The following CDC73 variants were observed in gnomAD, a reference collection of about 807,000 sequenced individuals.
The protein encoded by CDC73 is cell division cycle 73.
A neutral mutation model predicts 83.7 loss-of-function variants in CDC73; 21 were observed. The ratio of observed to expected loss-of-function variants is 0.25; its 90% CI spans 0.18 to 0.36. The LOEUF (loss-of-function observed/expected upper bound fraction) is 0.36, where lower values mean the gene tolerates loss of function less well. Among genes scored for constraint, CDC73 ranks in the 10% least tolerant of loss-of-function variants. CDC73 has a pLI of 1.00. For synonymous variants in CDC73, 224 were observed against 212.9 expected, an observed-to-expected ratio of 1.05 and a Z score of -0.45; for missense variants, 342 against 653.3, an observed-to-expected ratio of 0.52 and a Z score of 5.19.
intron 10 of CDC73, among the ~76,000 whole-genome samples, chr1:193,193,737 C>A (rs539430624): frequency 1.3e-5 from 2 of 149,724 alleles, no homozygotes; most frequent in South Asian, 4.2e-4. Flanking sequence ...TTACTGTCTC[C>A]AGAATTTATA....
chr1:193,167,629 C>T (rs1676453781), intron 10 of CDC73, among the ~76,000 whole-genome samples: 1 of 152,098 alleles, frequency 6.6e-6, no homozygotes, highest in African/African-American at 2.4e-5. Context: ...TAACAAGGAA[C>T]CTCTCAAATT....
chr1:193,191,871 A>G (rs1676925034), intron 10 of CDC73, among the ~76,000 whole-genome samples: 1 of 152,122 alleles, frequency 6.6e-6, no homozygotes, highest in African/African-American at 2.4e-5. Context: ...GTTGAATTTG[A>G]TAGAACTGTG....
Position 193,150,402 on chromosome 1 carries a change from T to C in CDC73, c.907+20T>C, listed in dbSNP as rs772519117. On this transcript the variant is annotated intron_variant, in intron 9 of 16. Transcript: ENST00000367435. ...AAGAAGGCAAGTTGCTTAATTCTTATCTTCCCCTTAGTGTGGTTGTGTTGA... is the reference window on the plus strand; with the variant it reads ...AAGAAGGCAAGTTGCTTAATTCTTACCTTCCCCTTAGTGTGGTTGTGTTGA... 6 of 1,520,892 alleles carry C rather than the reference T, an allele frequency of 3.9e-6. No homozygotes were observed. Among genetic ancestry groups the C allele is most frequent in the Non-Finnish European group, 5.5e-6 (6 of 1,094,950 alleles). The allele number at this position is 1,520,892 out of a possible 1,614,324, so 94.2% of individuals were successfully genotyped here.
rs910086650 is a variant in CDC73 at position 193,253,797 on chromosome 1, A to G, written c.*3085A>G. ...GTGGCATACTTTTAAATTGGTCTAC[A>G]CAGAAAAGTAAAAGTAAACTATTCA... On this transcript the variant is annotated 3_prime_UTR_variant, in exon 17 of 17. Coordinates refer to ENST00000367435, the MANE Select transcript of CDC73 (RefSeq NM_024529.5). 2 of 230,128 alleles carry G rather than the reference A, an allele frequency of 8.7e-6. No individual in the cohort carries two copies. Among genetic ancestry groups the G allele is most frequent in the East Asian group, 6.2e-5 (1 of 16,074 alleles). The allele number at this position is 230,128 out of a possible 1,614,324, so 14.3% of individuals were successfully genotyped here. A position where few individuals can be genotyped will look rare whatever the true frequency, so the allele number is the denominator to read the frequency against.
At chr1:193,217,513 G>C (rs1373052098) in intron 13 of CDC73, among the ~76,000 whole-genome samples, 2 of 152,114 alleles carry the variant, frequency 1.3e-5, no homozygotes, top group African/African-American at 2.4e-5. Context: ...CTGATGGCCT[G>C]TCAGCCTGCT....
intron 10 of CDC73, among the ~76,000 whole-genome samples, chr1:193,196,169 T>C (rs1417553172): frequency 6.6e-6 from 1 of 152,206 alleles, no homozygotes; most frequent in East Asian, 1.9e-4. Context: ...AATTTGTATA[T>C]AGTTTAAAGT....
Position 193,222,773 on chromosome 1 carries a change from G to A in CDC73, c.1155-10220G>A, listed in dbSNP as rs374999757. The stretch of plus-strand genomic sequence containing the variant: ...GAAATAAGCTTTTTTTTTTTTTTTT[G>A]CATATGTTCTGTTCCCCATCCCCCC... On this transcript the variant is annotated intron_variant, in intron 13 of 16. Coordinates refer to ENST00000367435, the MANE Select transcript of CDC73 (RefSeq NM_024529.5). Among the ~76,000 whole-genome samples, 3 of 33,190 alleles carry A rather than the reference G, an allele frequency of 9.0e-5. 1 individual carries two copies. Among genetic ancestry groups the A allele is most frequent in the East Asian group, 8.8e-4 (1 of 1,136 alleles). The allele number at this position is 33,190 out of a possible 152,430, so 21.8% of individuals were successfully genotyped here.
At chr1:193,152,540 T>C in intron 10 of CDC73, 96 bp downstream of exon 10, 1 of 828,722 alleles carries the variant, frequency 1.2e-6, no homozygotes, top group South Asian at 1.4e-5. Context: ...ATTTTTTATT[T>C]CAAACATTTT....
intron 10 of CDC73, among the ~76,000 whole-genome samples, chr1:193,190,520 T>C (rs1046480699): frequency 1.3e-5 from 2 of 152,248 alleles, no homozygotes; most frequent in African/African-American, 2.4e-5. Context: ...ATTAGCCTGA[T>C]TGCAAATAAG....
intron 10 of CDC73, among the ~76,000 whole-genome samples, chr1:193,162,318 CATATATACTATATACTATA>C (rs1676350260): frequency 8.0e-6 from 1 of 124,598 alleles, no homozygotes. Flanking sequence ...TATTATATAT[CATATATACTATATACTATA>C]TATTATATAT....
In CDC73 at chr1:193,193,316, T is replaced by G. The variant is rs182902964; in HGVS notation, c.973-10479T>G. ...CCTTTCTTTGAAGAAACTGATAGCC[T>G]TGATGGATACATAGATCATTATAAA... On this transcript the variant is annotated intron_variant, in intron 10 of 16. Transcript: ENST00000367435. Among the ~76,000 whole-genome samples, 980 of 152,316 alleles carry G rather than the reference T, an allele frequency of 6.4e-3. 5 individuals carry two copies. Among genetic ancestry groups the G allele is most frequent in the Non-Finnish European group, 0.011 (730 of 68,010 alleles).
intron 2 of CDC73, among the ~76,000 whole-genome samples, chr1:193,126,555 G>C (rs762237965): frequency 2.6e-5 from 4 of 152,092 alleles, no homozygotes; most frequent in Non-Finnish European, 4.4e-5. Flanking sequence ...TGGCCTAAAA[G>C]ATATTTAATT....
At chr1:193,122,560 A>G in intron 1 of CDC73, 1 of 521,080 alleles carries the variant, frequency 1.9e-6, no homozygotes, top group Non-Finnish European at 3.5e-6. Context: ...CCCAAAGGAA[A>G]GGTACCGTGG....
Position 193,125,579 on chromosome 1 carries a change from C to CT in CDC73, c.237+377dup, listed in dbSNP as rs755990596. 4.6e-3 allele frequency among the ~76,000 whole-genome samples: 662 copies of CT among 142,874 alleles called. 5 individuals are homozygous for CT. The highest frequency in any genetic ancestry group is 0.021 in the East Asian group (104 of 4,930). The allele number at this position is 142,874 out of a possible 152,430, so 93.7% of individuals were successfully genotyped here. On this transcript the variant is annotated intron_variant, in intron 2 of 16. Transcript: ENST00000367435. The stretch of plus-strand genomic sequence containing the variant: ...GCCTGGCCAATAATTCATTTTAAAA[C>CT]TTTTTTTTTTTTTTTGAGATAGGAT...
chr1:193,225,245 G>GATATATATATATATATAT (rs56261261), intron 13 of CDC73, among the ~76,000 whole-genome samples: 51 of 143,578 alleles, frequency 3.6e-4, no homozygotes, highest in Non-Finnish European at 4.6e-4. Flanking sequence ...AGTATTCCAT[G>GATATATATATATATATAT]ATATATATAT....
At chr1:193,180,355 T>C (rs985438914) in intron 10 of CDC73, 10 of 1,611,044 alleles carry the variant, frequency 6.2e-6, no homozygotes, top group Non-Finnish European at 8.5e-6. Flanking sequence ...GGCACAGGCA[T>C]TGTGCTTATT....
At chr1:193,125,430 T>G (rs368972067) in intron 2 of CDC73, among the ~76,000 whole-genome samples, 2 of 152,068 alleles carry the variant, frequency 1.3e-5, no homozygotes, top group Admixed American at 1.3e-4. Flanking sequence ...GCTAATTTTT[T>G]TTGTTGTTGT....
At chr1:193,220,799 C>T (rs1677456429) in intron 13 of CDC73, among the ~76,000 whole-genome samples, 1 of 152,022 alleles carries the variant, frequency 6.6e-6, no homozygotes, top group East Asian at 1.9e-4. Flanking sequence ...GATGAGATTC[C>T]TCAAGTAATT....
At position 193,232,981 on chromosome 1, in the gene CDC73, G is replaced by T; in HGVS notation, c.1155-12G>T. The T allele has an allele frequency of 1.9e-6, 3 of 1,610,198 alleles. No homozygotes were observed. The highest frequency in any genetic ancestry group is 2.2e-5 in the South Asian group (2 of 90,964). ...AATACATTGACTTTTTCTCATCTCT[G>T]TTTTTTCAAAGATTTGTCCCATCAG... On this transcript the variant is annotated splice_polypyrimidine_tract_variant and intron_variant, in intron 13 of 16. Transcript: ENST00000367435.
Sources: gnomAD v4.1 joint callset for allele counts (sites outside exome capture counted in the v4.1 genomes callset) on GRCh38, gnomAD v4.1.1 for gene constraint, MANE v1.5 for transcripts, NCBI Gene and HGNC (gene_info 2026-07-23, HGNC 2026-07-21) for gene names.